CNKSR2: variants seen among roughly 807,000 people sequenced by gnomAD.
The protein encoded by CNKSR2 is connector enhancer of kinase suppressor of Ras 2.
In CNKSR2, 14 loss-of-function variants were observed where a neutral mutation model predicts 84.4. That is an observed-to-expected ratio of 0.17 (90% CI 0.11 to 0.26). The LOEUF (loss-of-function observed/expected upper bound fraction) is 0.26, where lower values mean the gene tolerates loss of function less well. Ranked by LOEUF, CNKSR2 falls within the 10% of genes least tolerant of loss-of-function variation. The pLI, the probability that CNKSR2 is intolerant of heterozygous loss-of-function variation, is 1.00. For missense variants in CNKSR2, 485 were observed against 771.2 expected, an observed-to-expected ratio of 0.63 and a Z score of 4.40; for synonymous variants, 275 against 277.9, an observed-to-expected ratio of 0.99 and a Z score of 0.10.
At chrX:21,409,788 C>T (rs1029612584) in intron 1 of CNKSR2, among the ~76,000 whole-genome samples, 1 of 110,553 alleles carries the variant, frequency 9.0e-6, no homozygotes, top group African/African-American at 3.3e-5. Context: ...AGGAAGTTCT[C>T]TAAGTATCCA....
intron 1 of CNKSR2, 66 bp from the exon 2 acceptor site, chrX:21,426,431 C>G: frequency 1.9e-6 from 2 of 1,042,513 alleles, no homozygotes; most frequent in Non-Finnish European, 1.3e-6. Context: ...TGCTTCTAAC[C>G]CACCCTTCAC....
At chrX:21,613,887 C>T (rs755308569) in intron 20 of CNKSR2, among the ~76,000 whole-genome samples, 47 of 101,700 alleles carry the variant, frequency 4.6e-4, no homozygotes, top group Non-Finnish European at 8.5e-4. Flanking sequence ...TGCAGTGAGC[C>T]AAGATCATGC....
intron 20 of CNKSR2, among the ~76,000 whole-genome samples, chrX:21,617,748 A>G (rs2092584163): frequency 9.0e-6 from 1 of 111,306 alleles, no homozygotes; most frequent in African/African-American, 3.3e-5. Flanking sequence ...GTCCTGTGAA[A>G]TAACTTACGT....
intron 11 of CNKSR2, among the ~76,000 whole-genome samples, chrX:21,534,294 T>TAA (rs1331937851): frequency 8.9e-4 from 97 of 109,597 alleles, no homozygotes; most frequent in Middle Eastern, 4.7e-3. Flanking sequence ...AGTAATATTC[T>TAA]GATATATATA....
intron 11 of CNKSR2, among the ~76,000 whole-genome samples, chrX:21,551,213 C>T (rs1161486750): frequency 2.8e-5 from 3 of 108,623 alleles, no homozygotes; most frequent in Admixed American, 9.8e-5. Context: ...CGGGGCCTTT[C>T]GGGGGTTGGG....
intron 14 of CNKSR2, 181 bp from the exon 15 acceptor site, chrX:21,590,841 C>T: frequency 4.3e-6 from 2 of 460,849 alleles, no homozygotes; most frequent in Non-Finnish European, 7.3e-6. Flanking sequence ...TTACATATTT[C>T]TGATTAAGAT....
At chrX:21,401,411 C>T (rs187092570) in intron 1 of CNKSR2, among the ~76,000 whole-genome samples, 1 of 112,001 alleles carries the variant, frequency 8.9e-6, no homozygotes, top group Admixed American at 9.4e-5. Context: ...GCATGAGCTA[C>T]AAAGATCTGG....
intron 1 of CNKSR2, among the ~76,000 whole-genome samples, chrX:21,379,656 C>G (rs1160435402): frequency 9.0e-6 from 1 of 111,704 alleles, no homozygotes; most frequent in Non-Finnish European, 1.9e-5. Flanking sequence ...ATTATTTTCT[C>G]AGTGCTTTTG....
At chrX:21,648,679 GTCAT>G in intron 20 of CNKSR2, 148 bp from the exon 21 acceptor site, 1 of 452,457 alleles carries the variant, frequency 2.2e-6, no homozygotes. Flanking sequence ...TGTTCTCATG[GTCAT>G]TCATTATCCT....
At chrX:21,572,573 G>A (rs988160646) in intron 13 of CNKSR2, among the ~76,000 whole-genome samples, 17 of 111,496 alleles carry the variant, frequency 1.5e-4, no homozygotes, top group Middle Eastern at 4.6e-3. Context: ...TACAATCACG[G>A]CAGAAGAGGA....
intron 13 of CNKSR2, among the ~76,000 whole-genome samples, chrX:21,568,729 C>T (rs185847392): frequency 9.0e-5 from 10 of 111,314 alleles, no homozygotes. Flanking sequence ...ATTTAAATCT[C>T]ATAATGCTGT....
At position 21,632,990 on chromosome X, in the gene CNKSR2, T is replaced by TACACAC. The variant is rs200936630; in HGVS notation, c.2693-15811_2693-15806dup. ...CATGTGTATACACACTTATATAATA[T>TACACAC]ACACACACACACACACACACACACA... On this transcript the variant is annotated intron_variant, in intron 20 of 21. Transcript: ENST00000379510. Among the ~76,000 whole-genome samples, 413 of 100,671 alleles carry TACACAC rather than the reference T, an allele frequency of 4.1e-3. 1 individual carries two copies. Among genetic ancestry groups the TACACAC allele is most frequent in the African/African-American group, 0.014 (391 of 27,808 alleles). The allele number at this position is 100,671 out of a possible 115,157, so 87.4% of individuals were successfully genotyped here.
intron 20 of CNKSR2, among the ~76,000 whole-genome samples, chrX:21,635,824 A>G (rs987592445): frequency 5.4e-5 from 6 of 110,765 alleles, no homozygotes; most frequent in African/African-American, 2.0e-4. Flanking sequence ...CTCCCCAGGC[A>G]CACATACCCT....
At chrX:21,544,688 C>G (rs1349502218) in intron 11 of CNKSR2, among the ~76,000 whole-genome samples, 1 of 111,202 alleles carries the variant, frequency 9.0e-6, no homozygotes, top group Non-Finnish European at 1.9e-5. Context: ...ACTGAGGTAC[C>G]TGGCTCATCT....
rs768216123 is a variant in CNKSR2, at chrX:21,609,080, G to A, written c.2155G>A (p.Ala719Thr). ...GGGCTCCTTTCTACAGATGAGTTGC[G>A]CCAGTCCTTATGTGGAAGCAAAACA... ...TYPRPPSMSCASPYVEAKHSR... is the reference protein window; with the variant it reads ...TYPRPPSMSCTSPYVEAKHSR... Residue 719 changes from alanine to threonine, a missense_variant, in exon 20 of 22, where the codon GCC becomes ACC. Ala to Thr is a moderately conservative substitution (Grantham distance 58, BLOSUM62 0). Coordinates refer to ENST00000379510, the MANE Select transcript of CNKSR2 (RefSeq NM_014927.5). 5.7e-5 allele frequency: 69 copies of A among 1,202,544 alleles called. No individual in the cohort carries two copies. The highest frequency in any genetic ancestry group is 1.3e-4 in the Admixed American group (6 of 45,324).
intron 1 of CNKSR2, among the ~76,000 whole-genome samples, chrX:21,418,798 G>T (rs755057146): frequency 9.0e-6 from 1 of 111,272 alleles, no homozygotes; most frequent in Admixed American, 9.6e-5. Flanking sequence ...TTTTCAGTAT[G>T]ACAATTGTGT....
chrX:21,600,446 G>T (rs751205017), intron 17 of CNKSR2, among the ~76,000 whole-genome samples: 3 of 112,372 alleles, frequency 2.7e-5, no homozygotes, highest in African/African-American at 9.7e-5. Flanking sequence ...ATTTGGGAAA[G>T]TATATGGATT....
At chrX:21,473,871 C>T (rs570685221) in intron 5 of CNKSR2, among the ~76,000 whole-genome samples, 13 of 105,193 alleles carry the variant, frequency 1.2e-4, no homozygotes, top group African/African-American at 3.9e-4. Context: ...CTCAGCCTCC[C>T]GAGTAGCTGG....
At chrX:21,395,954 C>T (rs2090116459) in intron 1 of CNKSR2, among the ~76,000 whole-genome samples, 1 of 111,787 alleles carries the variant, frequency 8.9e-6, no homozygotes, top group Non-Finnish European at 1.9e-5. Context: ...ATCTAGGCCA[C>T]CAATGCCAGT....
Sources: allele counts gnomAD v4.1 joint callset (sites outside exome capture counted in the v4.1 genomes callset), GRCh38; gene constraint gnomAD v4.1.1; transcripts MANE v1.5; gene names NCBI Gene and HGNC (gene_info 2026-07-23, HGNC 2026-07-21).